UPB1: variants seen among roughly 807,000 people sequenced by gnomAD.
UPB1 encodes the protein beta-ureidopropionase 1, also known as beta-ureidopropionase.
A neutral mutation model predicts 49.1 loss-of-function variants in UPB1; 40 were observed. That is an observed-to-expected ratio of 0.81 (90% CI 0.63 to 1.06). UPB1 has a LOEUF of 1.06. Among genes scored for constraint, UPB1 ranks in the 50% least tolerant of loss-of-function variants. UPB1 has a pLI of 0.00. For missense variants in UPB1, 499 were observed against 505.9 expected (o/e 0.99, Z 0.13); for synonymous variants, 207 against 198.2 (o/e 1.04, Z -0.38).
Position 24,517,996 on chromosome 22 carries a change from C to T in UPB1, c.792-2391C>T, listed in dbSNP as rs6004172. Among the ~76,000 whole-genome samples, 145 of 152,302 alleles carry T rather than the reference C, an allele frequency of 9.5e-4. 1 individual carries two copies. The highest frequency in any genetic ancestry group is 3.1e-3 in the African/African-American group (128 of 41,564). On this transcript the variant is annotated intron_variant, in intron 6 of 9. Transcript: ENST00000326010. Reference sequence around the variant, plus strand: ...CCTGGCCAACATGGTGAAACCTCATCTCTACTAAAAATACAAAAATTAGCC... The same window carrying T: ...CCTGGCCAACATGGTGAAACCTCATTTCTACTAAAAATACAAAAATTAGCC...
chr22:24,514,816 C>T (rs1481986563), intron 5 of UPB1, among the ~76,000 whole-genome samples: 2 of 152,130 alleles, frequency 1.3e-5, no homozygotes, highest in Admixed American at 6.6e-5. Flanking sequence ...CGGGCTCCAC[C>T]GTTCTATATA....
At chr22:24,515,160 T>C (rs763543766) in intron 5 of UPB1, 41 bp from the exon 6 acceptor site, 25 of 1,613,340 alleles carry the variant, frequency 1.5e-5, no homozygotes, top group Non-Finnish European at 2.1e-5. Context: ...AAGGAAATCT[T>C]GAAGGTCAGA....
chr22:24,503,298 A>T (rs1361520744), intron 3 of UPB1: 1 of 152,280 alleles, frequency 6.6e-6, no homozygotes, highest in Non-Finnish European at 1.5e-5. Context: ...CTGTGGTCTG[A>T]ATCAGGTGCC....
chr22:24,515,514 T>A (rs1311832497), intron 6 of UPB1, 144 bp downstream of exon 6: 1 of 1,109,488 alleles, frequency 9.0e-7, no homozygotes, highest in Non-Finnish European at 1.3e-6. Context: ...TTGCATGTTG[T>A]ACATGTGACC....
Position 24,527,291 on chromosome 22 carries a change from GGCTGCAGTGA to G in UPB1, c.*1502_*1511del, listed in dbSNP as rs2044489546. Reference sequence around the variant, plus strand: ...GAATTGCTTGAATCTGGGAGGCAAAGGCTGCAGTGAGCTGAGATCACGCCACTGTGCTCCA... The same window carrying G: ...GAATTGCTTGAATCTGGGAGGCAAAGGCTGAGATCACGCCACTGTGCTCCA... On this transcript the variant is annotated 3_prime_UTR_variant, in exon 10 of 10. Coordinates refer to ENST00000326010, the MANE Select transcript of UPB1 (RefSeq NM_016327.3). 6.6e-6 allele frequency: 1 copy of G among 152,256 alleles called. No individual in the cohort carries two copies. Among genetic ancestry groups the G allele is most frequent in the Non-Finnish European group, 1.5e-5 (1 of 68,112 alleles). The allele number at this position is 152,256 out of a possible 1,614,324, so 9.4% of individuals were successfully genotyped here. A position where few individuals can be genotyped will look rare whatever the true frequency, so the allele number is the denominator to read the frequency against.
intron 8 of UPB1, among the ~76,000 whole-genome samples, chr22:24,522,440 C>T (rs1365781918): frequency 6.6e-6 from 1 of 152,170 alleles, no homozygotes; most frequent in East Asian, 1.9e-4. Flanking sequence ...CATGGATGGC[C>T]CTGGGTTTCT....
chr22:24,507,975 T>C (rs563385513), intron 3 of UPB1, among the ~76,000 whole-genome samples: 2 of 152,194 alleles, frequency 1.3e-5, no homozygotes, highest in South Asian at 4.2e-4. Context: ...CAACCACTTT[T>C]CCGCTGCACA....
At chr22:24,515,076 G>C in intron 5 of UPB1, 125 bp from the exon 6 acceptor site, 1 of 1,253,860 alleles carries the variant, frequency 8.0e-7, no homozygotes, top group Non-Finnish European at 1.1e-6. Flanking sequence ...TTGAAATTCT[G>C]GAACTTAGAG....
At chr22:24,496,026 T>C (rs968014548) in intron 1 of UPB1, among the ~76,000 whole-genome samples, 1 of 152,128 alleles carries the variant, frequency 6.6e-6, no homozygotes, top group Non-Finnish European at 1.5e-5. Flanking sequence ...AGCTTGTGCA[T>C]CACCAGGACT....
chr22:24,518,801 C>G (rs1487357677), intron 6 of UPB1, among the ~76,000 whole-genome samples: 1 of 152,220 alleles, frequency 6.6e-6, no homozygotes, highest in Non-Finnish European at 1.5e-5. Flanking sequence ...TGTGTACATT[C>G]ATTGGCAAGT....
At position 24,523,687 on chromosome 22, in the gene UPB1, G is replaced by A. The variant is rs767055701; in HGVS notation, c.985G>A (p.Gly329Arg). Reference sequence around the variant, plus strand: ...AGCCCCTGACAGCAGCCGGACTCCTGGGCTGTCCCGTAGCCGGGATGGACT... The same window carrying A: ...AGCCCCTGACAGCAGCCGGACTCCTAGGCTGTCCCGTAGCCGGGATGGACT... ...VAAPDSSRTP[G>R]LSRSRDGLLV... is the part of the protein sequence containing the mutation. The change falls in exon 9 of 10, where the codon GGG becomes AGG. Residue 329 changes from glycine to arginine, a missense_variant. Transcript: ENST00000326010. The A allele has an allele frequency of 1.9e-6, 3 of 1,614,256 alleles. No individual in the cohort carries two copies. The South Asian group carries it at 3.3e-5, about 18-fold the overall frequency.
In UPB1 at chr22:24,523,665, C is replaced by G. The variant is rs1234665829; in HGVS notation, c.963C>G (p.Ala321=). ...TTTATGGCTCGAGCTATGTGGCAGC[C>G]CCTGACAGCAGCCGGACTCCTGGGC... ...GYFYGSSYVA[A]PDSSRTPGLS... The change falls in exon 9 of 10, where the codon GCC becomes GCG. Residue 321 remains alanine, a synonymous_variant. Transcript: ENST00000326010. 1 of 1,614,244 alleles carries G rather than the reference C, an allele frequency of 6.2e-7. No individual in the cohort carries two copies.
At chr22:24,519,749 T>C (rs1351845506) in intron 6 of UPB1, 1 of 154,716 alleles carries the variant, frequency 6.5e-6, no homozygotes, top group East Asian at 1.9e-4. Flanking sequence ...AGTTCCTTTC[T>C]TGTTTACTGG....
chr22:24,523,630 T>C lies in UPB1; in HGVS notation c.928T>C (p.Phe310Leu), dbSNP rs1464877039. Residue 310 changes from phenylalanine to leucine, a missense_variant, in exon 9 of 10, where the codon TTT (phenylalanine) becomes CTT (leucine). By Grantham distance (22) the Phe-to-Leu change is conservative. Coordinates refer to ENST00000326010, the MANE Select transcript of UPB1 (RefSeq NM_016327.3). The part of the protein sequence containing the change: ...SGDGKKAHQD[F>L]GYFYGSSYVA... ...TTGTTCCTTTAAAGCTCACCAGGAC[T>C]TTGGCTACTTTTATGGCTCGAGCTA... 6.2e-7 allele frequency: 1 copy of C among 1,614,156 alleles called. No individual in the cohort carries two copies. Among genetic ancestry groups the C allele is most frequent in the Non-Finnish European group, 8.5e-7 (1 of 1,180,052 alleles).
chr22:24,495,645 T>C (rs536060364), intron 1 of UPB1, 138 bp downstream of exon 1: 9 of 902,492 alleles, frequency 1.0e-5, no homozygotes, highest in South Asian at 9.7e-5. Context: ...GCAGAGACCA[T>C]AGTAGGTCTT....
chr22:24,507,462 C>G (rs1039539647), intron 3 of UPB1, among the ~76,000 whole-genome samples: 8 of 152,108 alleles, frequency 5.3e-5, no homozygotes, highest in African/African-American at 1.9e-4. Flanking sequence ...TGAGGCTTCT[C>G]TTCCTTCTCT....
Position 24,528,288 on chromosome 22 carries a change from A to G in UPB1, c.*2494A>G, listed in dbSNP as rs2044497075. ...AACTCTCATTGCCTGGAAACAGAAC[A>G]GTCAGGCCCATCTTAGAGTATGCAG... On this transcript the variant is annotated 3_prime_UTR_variant, in exon 10 of 10. Transcript: ENST00000326010. The G allele has an allele frequency of 6.6e-6, 1 of 152,260 alleles. No individual in the cohort carries two copies. The highest frequency in any genetic ancestry group is 1.5e-5 in the Non-Finnish European group (1 of 68,048). The allele number at this position is 152,260 out of a possible 1,614,324, so 9.4% of individuals were successfully genotyped here. A position where few individuals can be genotyped will look rare whatever the true frequency, so the allele number is the denominator to read the frequency against.
chr22:24,523,246 A>C (rs1346882300), intron 8 of UPB1, among the ~76,000 whole-genome samples: 1 of 152,154 alleles, frequency 6.6e-6, no homozygotes, highest in Non-Finnish European at 1.5e-5. Context: ...GAGGGAGGAT[A>C]AGGGTGACGC....
In UPB1 at chr22:24,513,351, G is replaced by A. The variant is rs778601062; in HGVS notation, c.487G>A (p.Val163Met). The A allele has an allele frequency of 2.5e-6, 4 of 1,614,068 alleles. No individual in the cohort carries two copies. In the African/African-American group the frequency reaches 5.3e-5, roughly 22 times the overall value. ...KLAKNHDMVV[V>M]SPILERDSEH... ...GGCGAAGAACCATGACATGGTGGTG[G>A]TGTCTCCCATCCTGGAACGAGACAG... Residue 163 changes from valine (V) to methionine (M), a missense_variant, in exon 5 of 10, where the codon GTG (valine) becomes ATG (methionine). Coordinates refer to ENST00000326010, the MANE Select transcript of UPB1 (RefSeq NM_016327.3).
Sources: gnomAD v4.1 joint callset for allele counts (sites outside exome capture counted in the v4.1 genomes callset) on GRCh38, gnomAD v4.1.1 for gene constraint, MANE v1.5 for transcripts, NCBI Gene and HGNC (gene_info 2026-07-23, HGNC 2026-07-21) for gene names.